NSL1: variants seen among roughly 807,000 people sequenced by gnomAD.
NSL1 encodes kinetochore-associated protein NSL1 homolog.
Under a neutral mutation model 25.4 loss-of-function variants are expected in NSL1, and 11 were observed. The observed-to-expected ratio is 0.43, with a 90% CI of 0.27 to 0.72. The LOEUF is 0.72. Ranked by LOEUF, NSL1 falls within the 30% of genes least tolerant of loss-of-function variation. The pLI, the probability that NSL1 is intolerant of heterozygous loss-of-function variation, is 0.19. For synonymous variants in NSL1, 118 were observed against 120.6 expected (o/e 0.98, Z 0.14); for missense variants, 330 against 342.7 (o/e 0.96, Z 0.29).
chr1:212,742,583 C>G (rs541512347), intron 4 of NSL1, among the ~76,000 whole-genome samples: 1 of 152,202 alleles, frequency 6.6e-6, no homozygotes, highest in Admixed American at 6.5e-5. Flanking sequence ...TCAAAATTCC[C>G]ATAATTTAGA....
At chr1:212,779,929 G>A (rs1477605658) in intron 4 of NSL1, among the ~76,000 whole-genome samples, 3 of 150,874 alleles carry the variant, frequency 2.0e-5, no homozygotes, top group Non-Finnish European at 4.4e-5. Context: ...GGAGGTGAGG[G>A]GCGCCTCTGC....
At position 212,733,470 on chromosome 1, in the gene NSL1, G is replaced by A. The variant is rs998057424; in HGVS notation, c.*4938C>T. Among the ~76,000 whole-genome samples, 1 of 150,090 alleles carries A rather than the reference G, an allele frequency of 6.7e-6. No individual in the cohort carries two copies. The highest frequency in any genetic ancestry group is 1.5e-5 in the Non-Finnish European group (1 of 67,752). On this transcript the variant is annotated 3_prime_UTR_variant, in exon 6 of 6. Coordinates refer to ENST00000366977, the MANE Select transcript of NSL1 (RefSeq NM_015471.4). ...AAAAAAAATCCCATACCCATTAGCA[G>A]TCACTTCCTATTCCTTCCACCCTCT...
intron 5 of NSL1, among the ~76,000 whole-genome samples, chr1:212,739,165 T>C (rs1658379258): frequency 6.6e-6 from 1 of 152,218 alleles, no homozygotes; most frequent in Non-Finnish European, 1.5e-5. Flanking sequence ...TAACAGTATC[T>C]GTCTCATAGG....
At chr1:212,778,462 T>G (rs897907608) in intron 4 of NSL1, among the ~76,000 whole-genome samples, 24 of 152,250 alleles carry the variant, frequency 1.6e-4, no homozygotes, top group African/African-American at 5.8e-4. Context: ...GAAGCTGGAC[T>G]GTACTGCTGC....
intron 5 of NSL1, 67 bp downstream of exon 5, chr1:212,739,467 T>C (rs1658396278): frequency 8.4e-6 from 12 of 1,425,670 alleles, no homozygotes; most frequent in Non-Finnish European, 1.1e-5. Context: ...CACATATGAA[T>C]GTTGAATGCA....
At chr1:212,756,156 G>A (rs1558048087) in intron 4 of NSL1, among the ~76,000 whole-genome samples, 1 of 152,156 alleles carries the variant, frequency 6.6e-6, no homozygotes, top group Admixed American at 6.5e-5. Flanking sequence ...TTCTCACTCT[G>A]TCACTCAGGC....
In NSL1 at chr1:212,747,338, T is replaced by C. The variant is rs73081838; in HGVS notation, c.500-7737A>G. On this transcript the variant is annotated intron_variant, in intron 4 of 5. Coordinates refer to ENST00000366977, the MANE Select transcript of NSL1 (RefSeq NM_015471.4). ...CATTTATTCATTCATTCCCTATGCC[T>C]TTCAGATCATTCGTCCTGCAAGAAG... 5.2e-3 allele frequency among the ~76,000 whole-genome samples: 798 copies of C among 152,332 alleles called. 5 individuals carry two copies. The highest frequency in any genetic ancestry group is 0.018 in the African/African-American group (761 of 41,574).
chr1:212,726,960 G>T lies in NSL1; in HGVS notation c.*11448C>A. On this transcript the variant is annotated 3_prime_UTR_variant, in exon 6 of 6. Coordinates refer to ENST00000366977, the MANE Select transcript of NSL1 (RefSeq NM_015471.4). ...CCTGTCTCTTCATGGTGGGTGAAGA[G>T]CACAGGGAGAGTGTGCTTCCTGGCT... The T allele has an allele frequency of 1.6e-6, 1 of 621,826 alleles. No individual in the cohort carries two copies. The highest frequency in any genetic ancestry group is 2.7e-6 in the Non-Finnish European group (1 of 375,462). The allele number at this position is 621,826 out of a possible 1,614,324, so 38.5% of individuals were successfully genotyped here. A position where few individuals can be genotyped will look rare whatever the true frequency, so the allele number is the denominator to read the frequency against.
intron 4 of NSL1, among the ~76,000 whole-genome samples, chr1:212,774,540 C>T (rs1018039850): frequency 1.6e-5 from 2 of 124,426 alleles, no homozygotes; most frequent in Non-Finnish European, 3.9e-5. Flanking sequence ...TGAATAGATA[C>T]TTCTCCAAAG....
At chr1:212,784,615 G>A in intron 2 of NSL1, 122 bp from the exon 3 acceptor site, 1 of 554,440 alleles carries the variant, frequency 1.8e-6, no homozygotes, top group Non-Finnish European at 3.0e-6. Flanking sequence ...AAACAAATAT[G>A]GCAAGTTAAT....
chr1:212,774,694 G>A (rs2102388186), intron 4 of NSL1, among the ~76,000 whole-genome samples: 1 of 152,266 alleles, frequency 6.6e-6, no homozygotes, highest in Admixed American at 6.5e-5. Context: ...AGTTGGTGAG[G>A]GCATAAAGAA....
Position 212,729,623 on chromosome 1 carries a change from A to G in NSL1, c.*8785T>C. 4.1e-6 allele frequency: 4 copies of G among 985,438 alleles called. No homozygotes were observed. Among genetic ancestry groups the G allele is most frequent in the Non-Finnish European group, 4.8e-6 (4 of 829,924 alleles). The allele number at this position is 985,438 out of a possible 1,614,324, so 61.0% of individuals were successfully genotyped here. ...AGAGGCAGGCACACAGGGCATAGAC[A>G]GAATATGACAAGTCAGAGAGAATTC... On this transcript the variant is annotated 3_prime_UTR_variant, in exon 6 of 6. Coordinates refer to ENST00000366977, the MANE Select transcript of NSL1 (RefSeq NM_015471.4).
chr1:212,790,713 G>A (rs1464621775), intron 1 of NSL1, among the ~76,000 whole-genome samples: 1 of 151,956 alleles, frequency 6.6e-6, no homozygotes, highest in African/African-American at 2.4e-5. Flanking sequence ...ACGAGGTCAG[G>A]AGATCGAGAC....
chr1:212,791,269 T>G (rs1016495050), intron 1 of NSL1, among the ~76,000 whole-genome samples: 1 of 152,202 alleles, frequency 6.6e-6, no homozygotes, highest in Non-Finnish European at 1.5e-5. Flanking sequence ...ACTTCACCTA[T>G]TTCTTACTTT....
At chr1:212,786,008 C>T (rs920323252) in intron 2 of NSL1, among the ~76,000 whole-genome samples, 16 of 151,948 alleles carry the variant, frequency 1.1e-4, no homozygotes, top group Non-Finnish European at 2.1e-4. Flanking sequence ...TTGAGGGCAC[C>T]CTTTTTTTCC....
rs1316462373 is a variant in NSL1, at chr1:212,734,809, C to G, written c.*3599G>C. Reference sequence around the variant, plus strand: ...CATGACTACTCCCCTAAGTTCCACACATACATCTATCATACCATTTGCTGC... The same window carrying G: ...CATGACTACTCCCCTAAGTTCCACAGATACATCTATCATACCATTTGCTGC... On this transcript the variant is annotated 3_prime_UTR_variant, in exon 6 of 6. Transcript: ENST00000366977. Among the ~76,000 whole-genome samples, 1 of 152,224 alleles carries G rather than the reference C, an allele frequency of 6.6e-6. No homozygotes were observed. The highest frequency in any genetic ancestry group is 1.5e-5 in the Non-Finnish European group (1 of 68,038).
chr1:212,784,794 C>G (rs954087965), intron 2 of NSL1, among the ~76,000 whole-genome samples: 1 of 152,164 alleles, frequency 6.6e-6, no homozygotes, highest in Non-Finnish European at 1.5e-5. Context: ...GCAAGGCAAC[C>G]TGATAAGTGC....
At chr1:212,774,383 A>G (rs1422934137) in intron 4 of NSL1, among the ~76,000 whole-genome samples, 1 of 152,218 alleles carries the variant, frequency 6.6e-6, no homozygotes, top group Non-Finnish European at 1.5e-5. Flanking sequence ...ATTATGTACC[A>G]ATTTAAAAAA....
rs183197154 is a variant in NSL1 at position 212,737,578 on chromosome 1, C to T, written c.*830G>A. The stretch of plus-strand genomic sequence containing the variant: ...GATTATATACCTGATATATAAACAT[C>T]TTCAAATGTGAAATAGTTCAATAAC... On this transcript the variant is annotated 3_prime_UTR_variant, in exon 6 of 6. Coordinates refer to ENST00000366977, the MANE Select transcript of NSL1 (RefSeq NM_015471.4). 2.5e-4 allele frequency: 239 copies of T among 972,482 alleles called. 1 individual carries two copies. In the African/African-American group the frequency reaches 3.7e-3, roughly 15 times the overall value. The allele number at this position is 972,482 out of a possible 1,614,324, so 60.2% of individuals were successfully genotyped here.
Sources: allele counts gnomAD v4.1 joint callset (sites outside exome capture counted in the v4.1 genomes callset), GRCh38; gene constraint gnomAD v4.1.1; transcripts MANE v1.5; gene names NCBI Gene and HGNC (gene_info 2026-07-23, HGNC 2026-07-21).